RNF220: variants seen among roughly 807,000 people sequenced by gnomAD.
RNF220 encodes the protein E3 ubiquitin-protein ligase RNF220.
RNF220 carries 7 observed loss-of-function variants against 67.1 expected under a neutral mutation model. The observed-to-expected ratio is 0.10, with a 90% CI of 0.06 to 0.20. RNF220 has a LOEUF of 0.20. Ranked by LOEUF, RNF220 falls within the 10% of genes least tolerant of loss-of-function variation. RNF220 has a pLI of 1.00. For synonymous variants in RNF220, 270 were observed against 283.2 expected (o/e 0.95, Z 0.47); for missense variants, 565 against 740.3 (o/e 0.76, Z 2.75).
intron 2 of RNF220, among the ~76,000 whole-genome samples, chr1:44,516,911 C>T (rs925634720): frequency 1.3e-5 from 2 of 152,050 alleles, no homozygotes; most frequent in African/African-American, 4.8e-5. Context: ...GACACTCTGC[C>T]CTCACCAGTC....
chr1:44,650,484 C>T lies in RNF220; in HGVS notation c.1630-220C>T, dbSNP rs1455024453. 6.8e-6 allele frequency: 4 copies of T among 587,660 alleles called. No homozygotes were observed. The highest frequency in any genetic ancestry group is 5.6e-5 in the African/African-American group (3 of 53,644). The allele number at this position is 587,660 out of a possible 1,614,324, so 36.4% of individuals were successfully genotyped here. The stretch of plus-strand genomic sequence containing the variant: ...CAGCCTTGTTCTCATTACTGGGGCT[C>T]CTGCTGCGGGGCTGGCCAGGCGGTT... On this transcript the variant is annotated intron_variant, in intron 14 of 14. Transcript: ENST00000361799. The surrounding 1 kb of genome is among the most constrained non-coding windows in gnomAD (Gnocchi z 4.3).
chr1:44,520,457 C>T (rs956906780), intron 2 of RNF220, among the ~76,000 whole-genome samples: 1 of 152,130 alleles, frequency 6.6e-6, no homozygotes, highest in African/African-American at 2.4e-5. Context: ...CAGAGCGAGA[C>T]TCCGTCTCAA....
chr1:44,489,674 A>G (rs887779034), intron 2 of RNF220, among the ~76,000 whole-genome samples: 5 of 152,242 alleles, frequency 3.3e-5, no homozygotes, highest in African/African-American at 9.6e-5. Context: ...GTCCTGGTGC[A>G]TTCCTTTGGC....
chr1:44,553,203 C>CATTA (rs56113354), intron 2 of RNF220, among the ~76,000 whole-genome samples: 95,220 of 151,520 alleles, frequency 0.63, 30,874 homozygotes, highest in Non-Finnish European at 0.71. Flanking sequence ...ACCCACTCTT[C>CATTA]TAATAAGGTT....
intron 5 of RNF220, among the ~76,000 whole-genome samples, chr1:44,628,347 A>G (rs2148463911): frequency 6.6e-6 from 1 of 152,372 alleles, no homozygotes; most frequent in Non-Finnish European, 1.5e-5. Flanking sequence ...CTATGAGGAA[A>G]GCTATGGACT....
chr1:44,609,861 C>T (rs1447080786), intron 2 of RNF220, among the ~76,000 whole-genome samples: 1 of 152,250 alleles, frequency 6.6e-6, no homozygotes, highest in Non-Finnish European at 1.5e-5. Context: ...GGAAAAGGGA[C>T]TCTCTGGAGG....
chr1:44,557,979 G>T lies in RNF220; in HGVS notation c.626-56186G>T, dbSNP rs144060212. 2.0e-5 allele frequency among the ~76,000 whole-genome samples: 3 copies of T among 152,302 alleles called. No homozygotes were observed. In the East Asian group the frequency reaches 5.8e-4, roughly 29 times the overall value. On this transcript the variant is annotated intron_variant, in intron 2 of 14. Transcript: ENST00000361799. ...TGCCACGGCTGAGCCCTGCGGGTAG[G>T]ACTGTTCCAGCTGGGCACCTCAAGG... is the stretch of plus-strand genomic sequence containing the variant.
In RNF220 at chr1:44,649,641, C is replaced by T; in HGVS notation, c.1446-20C>T. The T allele has an allele frequency of 6.2e-7, 1 of 1,611,354 alleles. No individual in the cohort carries two copies. Among genetic ancestry groups the T allele is most frequent in the South Asian group, 1.1e-5 (1 of 91,032 alleles). ...TGAGAGATGCCAGCCTGCTACCCAA[C>T]CATGCCTTCCTTTTTACAGAATCAC... On this transcript the variant is annotated intron_variant, in intron 12 of 14. Coordinates refer to ENST00000361799, the MANE Select transcript of RNF220 (RefSeq NM_018150.4). The surrounding 1 kb of genome is among the most constrained non-coding windows in gnomAD (Gnocchi z 5.9).
At chr1:44,425,431 T>C (rs915900224) in intron 2 of RNF220, among the ~76,000 whole-genome samples, 4 of 152,210 alleles carry the variant, frequency 2.6e-5, no homozygotes, top group African/African-American at 9.7e-5. Flanking sequence ...GATCACTGTT[T>C]CTTCTGCTGA....
chr1:44,462,821 G>A (rs1653910881), intron 2 of RNF220, among the ~76,000 whole-genome samples: 1 of 151,628 alleles, frequency 6.6e-6, no homozygotes, highest in African/African-American at 2.4e-5. Flanking sequence ...AAGGTCAGGA[G>A]ATCGAGACCA....
intron 2 of RNF220, among the ~76,000 whole-genome samples, chr1:44,595,912 C>T (rs886742444): frequency 1.3e-5 from 2 of 152,000 alleles, no homozygotes; most frequent in Non-Finnish European, 2.9e-5. Flanking sequence ...TACAGGCGCC[C>T]GCCACCACGC....
intron 2 of RNF220, among the ~76,000 whole-genome samples, chr1:44,603,272 T>C (rs977800967): frequency 2.0e-5 from 3 of 152,256 alleles, no homozygotes; most frequent in Non-Finnish European, 2.9e-5. Context: ...TGTCTCGCCT[T>C]TGCTGGGAAA....
intron 2 of RNF220, among the ~76,000 whole-genome samples, chr1:44,482,535 T>C (rs912885200): frequency 2.0e-5 from 3 of 152,254 alleles, no homozygotes; most frequent in African/African-American, 7.2e-5. Context: ...AAAGGAGCTA[T>C]GCTCTGGTTG....
At chr1:44,442,514 CTTTTTT>C (rs10636964) in intron 2 of RNF220, among the ~76,000 whole-genome samples, 5 of 127,756 alleles carry the variant, frequency 3.9e-5, no homozygotes, top group African/African-American at 6.1e-5. Flanking sequence ...CACTCACACT[CTTTTTT>C]TTTTTTTTTT....
At chr1:44,613,895 A>T (rs149438575) in intron 2 of RNF220, among the ~76,000 whole-genome samples, 47 of 152,302 alleles carry the variant, frequency 3.1e-4, no homozygotes, top group African/African-American at 1.1e-3. Flanking sequence ...TAATTAATTT[A>T]AAAAAGAAAA....
At chr1:44,460,937 T>C (rs948786213) in intron 2 of RNF220, among the ~76,000 whole-genome samples, 1 of 152,224 alleles carries the variant, frequency 6.6e-6, no homozygotes, top group African/African-American at 2.4e-5. Flanking sequence ...ATTCCTGGCC[T>C]TCCCCCTTCC....
intron 1 of RNF220, among the ~76,000 whole-genome samples, chr1:44,410,062 G>T (rs1278328019): frequency 6.6e-6 from 1 of 152,074 alleles, no homozygotes; most frequent in African/African-American, 2.4e-5. Flanking sequence ...GGAGTGTCCG[G>T]TGCTGTCACC....
At chr1:44,408,795 A>T (rs980862402) in intron 1 of RNF220, 1 of 152,164 alleles carries the variant, frequency 6.6e-6, no homozygotes, top group South Asian at 2.1e-4. Context: ...TCCGGGAAAG[A>T]GCCCTTTGCA....
At chr1:44,595,216 G>A (rs1335734561) in intron 2 of RNF220, among the ~76,000 whole-genome samples, 1 of 152,206 alleles carries the variant, frequency 6.6e-6, no homozygotes, top group African/African-American at 2.4e-5. Context: ...AGTGAAGGAA[G>A]GCCCGAGGTA....
Sources: allele counts gnomAD v4.1 joint callset (sites outside exome capture counted in the v4.1 genomes callset), GRCh38; gene constraint gnomAD v4.1.1; non-coding constraint Gnocchi (gnomAD v3.1); transcripts MANE v1.5; gene names NCBI Gene and HGNC (gene_info 2026-07-23, HGNC 2026-07-21).